The following UPF2 variants were observed in gnomAD, a reference collection of about 807,000 sequenced individuals.
UPF2 encodes UPF2 regulator of nonsense mediated mRNA decay, also known as regulator of nonsense transcripts 2.
In UPF2, 17 loss-of-function variants were observed where a neutral mutation model predicts 141.4. The ratio of observed to expected loss-of-function variants is 0.12; its 90% CI spans 0.08 to 0.18. The LOEUF is 0.18. Ranked by LOEUF, UPF2 falls within the 10% of genes least tolerant of loss-of-function variation. The pLI is 1.00. For synonymous variants in UPF2, 540 were observed against 498.0 expected (o/e 1.08, Z -1.12); for missense variants, 1,152 against 1,515.9 (o/e 0.76, Z 3.99).
intron 3 of UPF2, 90 bp downstream of exon 3, chr10:12,028,654 AT>A: frequency 2.9e-6 from 4 of 1,367,456 alleles, no homozygotes; most frequent in Middle Eastern, 2.1e-4. Context: ...GCCCTTTTCC[AT>A]AAGTTCTTTC....
At chr10:11,994,450 T>C (rs1282692596) in intron 8 of UPF2, among the ~76,000 whole-genome samples, 13 of 152,126 alleles carry the variant, frequency 8.5e-5, no homozygotes, top group Admixed American at 8.5e-4. Flanking sequence ...TACACAAGCA[T>C]CAAGATACTG....
Position 12,022,679 on chromosome 10 carries a change from CAATT to C in UPF2, c.1145+6062_1145+6065del, listed in dbSNP as rs372147004. On this transcript the variant is annotated intron_variant, in intron 3 of 21. Transcript: ENST00000357604. ...CATCTTAATTGTGCTTAAATACTAC[CAATT>C]AATTAATTGGTATTAACTACCAATT... 4.2e-3 allele frequency among the ~76,000 whole-genome samples: 642 copies of C among 152,124 alleles called. 1 individual carries two copies. Among genetic ancestry groups the C allele is most frequent in the African/African-American group, 0.014 (589 of 41,498 alleles).
Position 11,943,023 on chromosome 10 carries a change from G to A in UPF2, c.3279+41C>T, listed in dbSNP as rs545850556. On this transcript the variant is annotated intron_variant, in intron 17 of 21. Coordinates refer to ENST00000357604, the MANE Select transcript of UPF2 (RefSeq NM_015542.4). ...ACTAAAATTCAAATACTATAAAAATGCTGCACAATTTCAAAAAGTAAATTT... is the reference window on the plus strand; with the variant it reads ...ACTAAAATTCAAATACTATAAAAATACTGCACAATTTCAAAAAGTAAATTT... The A allele has an allele frequency of 5.7e-6, 8 of 1,414,392 alleles. 1 individual carries two copies. In the South Asian group the frequency reaches 7.3e-5, roughly 13 times the overall value. The allele number at this position is 1,414,392 out of a possible 1,614,324, so 87.6% of individuals were successfully genotyped here. A position where few individuals can be genotyped will look rare whatever the true frequency, so the allele number is the denominator to read the frequency against.
At chr10:11,946,859 T>C (rs1050418436) in intron 16 of UPF2, among the ~76,000 whole-genome samples, 7 of 152,144 alleles carry the variant, frequency 4.6e-5, no homozygotes, top group Admixed American at 6.5e-5. Context: ...GTACTATAGA[T>C]GTGCACAGCT....
At chr10:12,020,744 C>T (rs1834303308) in intron 3 of UPF2, among the ~76,000 whole-genome samples, 2 of 152,112 alleles carry the variant, frequency 1.3e-5, no homozygotes, top group African/African-American at 4.8e-5. Flanking sequence ...ATTGTTATGC[C>T]CATTTTACAG....
At chr10:11,938,868 T>TTTTTTTTGTTTTG (rs1832896736) in intron 18 of UPF2, among the ~76,000 whole-genome samples, 7 of 90,822 alleles carry the variant, frequency 7.7e-5, no homozygotes, top group African/African-American at 2.6e-4. Flanking sequence ...TTTTTTTTTT[T>TTTTTTTTGTTTTG]TTTTTTTTTT....
At position 11,951,024 on chromosome 10, in the gene UPF2, C is replaced by T. The variant is rs141366905; in HGVS notation, c.3034+1042G>A. Among the ~76,000 whole-genome samples the T allele has an allele frequency of 1.5e-3, 236 of 152,268 alleles. 1 individual carries two copies. The highest frequency in any genetic ancestry group is 5.2e-3 in the African/African-American group (218 of 41,548). The stretch of plus-strand genomic sequence containing the variant: ...TACCAAGTTCTAGTGGGAAATCAAA[C>T]ACTAGCTTAATAGTCTGAAAACGGG... On this transcript the variant is annotated intron_variant, in intron 15 of 21. Coordinates refer to ENST00000357604, the MANE Select transcript of UPF2 (RefSeq NM_015542.4).
At chr10:12,011,004 T>TA (rs766886333) in intron 4 of UPF2, among the ~76,000 whole-genome samples, 7 of 152,254 alleles carry the variant, frequency 4.6e-5, no homozygotes, top group Non-Finnish European at 1.0e-4. Context: ...TTTTAAGAGA[T>TA]AGAGTCTCAC....
intron 18 of UPF2, among the ~76,000 whole-genome samples, chr10:11,938,259 C>A (rs1380201263): frequency 6.6e-6 from 1 of 152,098 alleles, no homozygotes; most frequent in Non-Finnish European, 1.5e-5. Context: ...ATATACAGAG[C>A]TAATTACATT....
chr10:12,043,170 C>T (rs1834771230), upstream of UPF2: 2 of 152,448 alleles, frequency 1.3e-5, no homozygotes, highest in Middle Eastern at 6.8e-3. Context: ...CCACTACCAG[C>T]ACCTCAAACC....
At chr10:11,996,451 G>A (rs569000621) in intron 8 of UPF2, among the ~76,000 whole-genome samples, 3 of 151,938 alleles carry the variant, frequency 2.0e-5, no homozygotes, top group South Asian at 4.2e-4. Context: ...GGGTTCAACC[G>A]GTTCTCCTGC....
At chr10:11,999,284 C>T (rs1833914630) in intron 7 of UPF2, among the ~76,000 whole-genome samples, 1 of 151,924 alleles carries the variant, frequency 6.6e-6, no homozygotes, top group African/African-American at 2.4e-5. Context: ...GAGGCCAAGG[C>T]AGGCGGATCA....
In UPF2 at chr10:11,979,293, C is replaced by T. The variant is rs1833555437; in HGVS notation, c.1845-128G>A. On this transcript the variant is annotated intron_variant, in intron 8 of 21. Transcript: ENST00000357604. This position sits in a 1 kb window ranked among gnomAD's most constrained non-coding sequence, Gnocchi z 6.2. Reference sequence around the variant, plus strand: ...AAAACTCATAATCATACAGACATGCCTATTTATTGCCATCATAAAGAAGTG... The same window carrying T: ...AAAACTCATAATCATACAGACATGCTTATTTATTGCCATCATAAAGAAGTG... 2 of 553,760 alleles carry T rather than the reference C, an allele frequency of 3.6e-6. No individual in the cohort carries two copies. Among genetic ancestry groups the T allele is most frequent in the Non-Finnish European group, 6.2e-6 (2 of 322,786 alleles). 34.3% of individuals were successfully genotyped at this position (553,760 alleles called of 1,614,324 possible). A position where few individuals can be genotyped will look rare whatever the true frequency, so the allele number is the denominator to read the frequency against.
At chr10:11,999,158 T>A (rs923182656) in intron 7 of UPF2, among the ~76,000 whole-genome samples, 2 of 151,862 alleles carry the variant, frequency 1.3e-5, no homozygotes, top group African/African-American at 2.4e-5. Context: ...CCTTGAATCA[T>A]GATAAAATGC....
intron 4 of UPF2, among the ~76,000 whole-genome samples, chr10:12,010,439 T>C (rs562416650): frequency 6.6e-6 from 1 of 152,040 alleles, no homozygotes; most frequent in East Asian, 1.9e-4. Context: ...AAGACATAGA[T>C]ATAAAAAATG....
chr10:11,991,635 A>C (rs1833782124), intron 8 of UPF2, among the ~76,000 whole-genome samples: 1 of 152,182 alleles, frequency 6.6e-6, no homozygotes, highest in Admixed American at 6.5e-5. Flanking sequence ...AGAGGAAAAA[A>C]AAAAGGCCAG....
chr10:11,965,796 T>TA lies in UPF2; in HGVS notation c.2067+1544dup, dbSNP rs944899002. Reference sequence around the variant, plus strand: ...TTAAAAACTCTAAGAAGTCATGCATTAAAAAAAAAACTGTTTAATTTTGTT... The same window carrying TA: ...TTAAAAACTCTAAGAAGTCATGCATTAAAAAAAAAAACTGTTTAATTTTGTT... On this transcript the variant is annotated intron_variant, in intron 10 of 21. Transcript: ENST00000357604. Among the ~76,000 whole-genome samples the TA allele has an allele frequency of 1.9e-3, 285 of 147,876 alleles. 1 individual carries two copies. Among genetic ancestry groups the TA allele is most frequent in the African/African-American group, 5.6e-3 (228 of 40,674 alleles).
At chr10:11,966,447 G>A (rs1490671607) in intron 10 of UPF2, among the ~76,000 whole-genome samples, 2 of 151,386 alleles carry the variant, frequency 1.3e-5, no homozygotes, top group Admixed American at 6.6e-5. Context: ...TTTTTGAGAC[G>A]GACTTTCACT....
At position 12,029,375 on chromosome 10, in the gene UPF2, G is replaced by T; in HGVS notation, c.515C>A (p.Thr172Asn). 6.2e-7 allele frequency: 1 copy of T among 1,614,196 alleles called. No homozygotes were observed. The highest frequency in any genetic ancestry group is 8.5e-7 in the Non-Finnish European group (1 of 1,180,034). ...SRLDSSLKKN[T>N]AFVKKLKTIT... ...AGTTTTTAGTTTCTTGACAAAAGCA[G>T]TATTTTTCTTCAAACTTGAGTCGAG... The change falls in exon 3 of 22, where the codon ACT (threonine) becomes AAT (asparagine). Residue 172 changes from threonine to asparagine, a missense_variant. Coordinates refer to ENST00000357604, the MANE Select transcript of UPF2 (RefSeq NM_015542.4).
Sources: allele counts gnomAD v4.1 joint callset (sites outside exome capture counted in the v4.1 genomes callset), GRCh38; gene constraint gnomAD v4.1.1; non-coding constraint Gnocchi (gnomAD v3.1); transcripts MANE v1.5; gene names NCBI Gene and HGNC (gene_info 2026-07-23, HGNC 2026-07-21).